BRCA1: variants seen among roughly 807,000 people sequenced by gnomAD.
The protein encoded by BRCA1 is BRCA1 DNA repair associated, also known as breast cancer type 1 susceptibility protein.
A neutral mutation model predicts 173.7 loss-of-function variants in BRCA1; 140 were observed. That is an observed-to-expected ratio of 0.81 (90% CI 0.70 to 0.93). BRCA1 has a LOEUF of 0.93. Ranked by LOEUF, BRCA1 falls within the 40% of genes least tolerant of loss-of-function variation. The pLI is 0.00. For synonymous variants in BRCA1, 662 were observed against 756.0 expected, an observed-to-expected ratio of 0.88 and a Z score of 2.04; for missense variants, 1,983 against 2,172.5, an observed-to-expected ratio of 0.91 and a Z score of 1.73.
rs749609930 is a variant in BRCA1, at chr17:43,071,117, T to C, written c.4797A>G (p.Ala1599=). 6.8e-6 allele frequency: 11 copies of C among 1,614,214 alleles called. No individual in the cohort carries two copies. The highest frequency in any genetic ancestry group is 9.3e-6 in the Non-Finnish European group (11 of 1,180,042). ...RVGNIPSSTS[A]LKVPQLKVAE... is the part of the protein sequence containing the mutation. ...CAACTTTCAATTGGGGAACTTTCAA[T>C]GCAGAGGTTGAAGATGGTATGTTGC... The change falls in exon 15 of 23, where the codon GCA becomes GCG. Residue 1599 remains alanine, a synonymous_variant. Coordinates refer to ENST00000357654, the MANE Select transcript of BRCA1 (RefSeq NM_007294.4).
chr17:43,143,762 G>T (rs1213950824), intron 1 of BRCA1, among the ~76,000 whole-genome samples: 1 of 152,124 alleles, frequency 6.6e-6, no homozygotes, highest in Non-Finnish European at 1.5e-5. Flanking sequence ...GGCTAGGGCA[G>T]TACACGTGAA....
rs934711765 is a variant in BRCA1 at position 43,081,276 on chromosome 17, C to T, written c.4357+1128G>A. Among the ~76,000 whole-genome samples the T allele has an allele frequency of 3.9e-5, 6 of 152,244 alleles. No homozygotes were observed. In the South Asian group the frequency reaches 1.2e-3, roughly 32 times the overall value. On this transcript the variant is annotated intron_variant, in intron 12 of 22. Transcript: ENST00000357654. ...GAGATGAACTAAATGAAGATAGTTA[C>T]AAAGAAAGCATTTAAGGAAATACAT...
Position 43,045,707 on chromosome 17 carries a change from T to TCC in BRCA1, c.5562_5563insGG (p.Ile1855GlyfsTer68). 6.2e-7 allele frequency: 1 copy of TCC among 1,613,854 alleles called. No individual in the cohort carries two copies. Among genetic ancestry groups the TCC allele is most frequent in the Non-Finnish European group, 8.5e-7 (1 of 1,179,860 alleles). ...TAGTGGCTGTGGGGGATCTGGGGTA[T>TCC]CAGGTAGGTGTCCAGCTCCTGGCAC... On this transcript the variant is annotated frameshift_variant, in exon 23 of 23. Transcript: ENST00000357654. LOFTEE classifies it high-confidence loss of function.
intron 1 of BRCA1, among the ~76,000 whole-genome samples, chr17:43,139,505 T>C (rs2056058154): frequency 6.6e-6 from 1 of 152,068 alleles, no homozygotes; most frequent in Non-Finnish European, 1.5e-5. Flanking sequence ...TGCAGGTGCC[T>C]GCCACCACGT....
chr17:43,142,153 G>T (rs2056080143), intron 1 of BRCA1, among the ~76,000 whole-genome samples: 2 of 152,068 alleles, frequency 1.3e-5, no homozygotes, highest in South Asian at 2.1e-4. Context: ...ACCTCAGGTG[G>T]TCCACCCACC....
At chr17:43,136,632 G>A (rs898308997) in intron 1 of BRCA1, among the ~76,000 whole-genome samples, 19 of 152,258 alleles carry the variant, frequency 1.2e-4, no homozygotes, top group African/African-American at 4.3e-4. Flanking sequence ...AAGGATATGA[G>A]CAGACACTTC....
intron 2 of BRCA1, 133 bp downstream of exon 2, chr17:43,123,884 A>G (rs799904): frequency 1.3e-6 from 1 of 741,228 alleles, no homozygotes; most frequent in South Asian, 1.6e-5. Context: ...TTCAGTTAAG[A>G]AAATCAGCAA....
intron 1 of BRCA1, among the ~76,000 whole-genome samples, chr17:43,147,823 C>A (rs1001265329): frequency 8.6e-5 from 13 of 150,596 alleles, no homozygotes; most frequent in African/African-American, 1.2e-4. Flanking sequence ...CCCTCTCCAA[C>A]ACCTGGTGGC....
intron 2 of BRCA1, among the ~76,000 whole-genome samples, chr17:43,118,635 C>T (rs867573374): frequency 1.1e-4 from 16 of 152,180 alleles, no homozygotes; most frequent in Middle Eastern, 6.8e-3. Flanking sequence ...CAGGATCTCA[C>T]TATGATGCCC....
intron 12 of BRCA1, among the ~76,000 whole-genome samples, chr17:43,077,383 T>G (rs1008110465): frequency 6.6e-6 from 1 of 151,664 alleles, no homozygotes; most frequent in Non-Finnish European, 1.5e-5. Context: ...CAAGCTGAAG[T>G]GCAATGGTGC....
chr17:43,147,140 T>G (rs2056127866), intron 1 of BRCA1, among the ~76,000 whole-genome samples: 1 of 152,210 alleles, frequency 6.6e-6, no homozygotes, highest in Non-Finnish European at 1.5e-5. Flanking sequence ...TAGCTGAGAT[T>G]ACAGGCTGCG....
chr17:43,124,400 T>C (rs757465458), intron 1 of BRCA1, among the ~76,000 whole-genome samples: 8 of 152,162 alleles, frequency 5.3e-5, no homozygotes, highest in Non-Finnish European at 1.2e-4. Flanking sequence ...ACTGACCGGG[T>C]AGGTGGTGGT....
rs2051082443 is a variant in BRCA1 at position 43,049,152 on chromosome 17, A to G, written c.5375T>C (p.Val1792Ala). The G allele has an allele frequency of 6.2e-7, 1 of 1,614,154 alleles. No homozygotes were observed. Among genetic ancestry groups the G allele is most frequent in the Non-Finnish European group, 8.5e-7 (1 of 1,180,014 alleles). The stretch of plus-strand genomic sequence containing the variant: ...AAGGGTGAATGATGAAAGCTCCTTC[A>G]CCACAGAAGCACCACACAGCTGTAC... ...WMVQLCGASV[V>A]KELSSFTLGT... Residue 1792 changes from valine (V) to alanine (A), a missense_variant, in exon 21 of 23, where the codon GTG becomes GCG. Val to Ala is a moderately conservative substitution (Grantham distance 64). Coordinates refer to ENST00000357654, the MANE Select transcript of BRCA1 (RefSeq NM_007294.4).
rs1377029950 is a variant in BRCA1, at chr17:43,097,330, T to C, written c.548-41A>G. The C allele has an allele frequency of 1.3e-6, 2 of 1,527,262 alleles. No individual in the cohort carries two copies. The highest frequency in any genetic ancestry group is 1.8e-6 in the Non-Finnish European group (2 of 1,106,780). The allele number at this position is 1,527,262 out of a possible 1,614,324, so 94.6% of individuals were successfully genotyped here. A position where few individuals can be genotyped will look rare whatever the true frequency, so the allele number is the denominator to read the frequency against. ...CCAAAAAATAAATCAATAAAAGTTT[T>C]CTTAATTAAAAGGGTTAAAAAAATG... On this transcript the variant is annotated intron_variant, in intron 7 of 22. Coordinates refer to ENST00000357654, the MANE Select transcript of BRCA1 (RefSeq NM_007294.4).
At chr17:43,131,972 TG>T (rs2055970494) in intron 1 of BRCA1, among the ~76,000 whole-genome samples, 1 of 152,024 alleles carries the variant, frequency 6.6e-6, no homozygotes, top group Admixed American at 6.5e-5. Context: ...TTGGTAGAAA[TG>T]GGGTTTCACC....
At chr17:43,122,636 A>G (rs2055629002) in intron 2 of BRCA1, among the ~76,000 whole-genome samples, 1 of 152,130 alleles carries the variant, frequency 6.6e-6, no homozygotes, top group African/African-American at 2.4e-5. Context: ...GGCTGGGTGC[A>G]ATGGCTCAGG....
At chr17:43,073,178 A>G (rs529752382) in intron 14 of BRCA1, among the ~76,000 whole-genome samples, 40 of 151,946 alleles carry the variant, frequency 2.6e-4, no homozygotes, top group African/African-American at 8.9e-4. Flanking sequence ...CCCCACCCCA[A>G]ATTATCTTTT....
chr17:43,057,459 T>C (rs1489068671), intron 18 of BRCA1, among the ~76,000 whole-genome samples: 1 of 146,980 alleles, frequency 6.8e-6, no homozygotes, highest in Non-Finnish European at 1.5e-5. Context: ...TGCAGTGAGC[T>C]GAGATGGTGC....
chr17:43,079,560 G>T, intron 12 of BRCA1: 1 of 903,270 alleles, frequency 1.1e-6, no homozygotes. Flanking sequence ...CTTGCCAAGA[G>T]AATTAATGTG....
Sources: allele counts gnomAD v4.1 joint callset (sites outside exome capture counted in the v4.1 genomes callset), GRCh38; gene constraint gnomAD v4.1.1; transcripts MANE v1.5; gene names NCBI Gene and HGNC (gene_info 2026-07-23, HGNC 2026-07-21).